Variants in SOCS2 observed in about 807,000 individuals in gnomAD.
SOCS2 encodes suppressor of cytokine signaling 2.
In SOCS2, 10 loss-of-function variants were observed where a neutral mutation model predicts 18.6. That is an observed-to-expected ratio of 0.54 (90% CI 0.33 to 0.91). The LOEUF is 0.91. Among genes scored for constraint, SOCS2 ranks in the 40% least tolerant of loss-of-function variants. SOCS2 has a pLI of 0.02. For missense variants in SOCS2, 231 were observed against 247.2 expected (o/e 0.93, Z 0.44); for synonymous variants, 104 against 104.0 (o/e 1.00, Z 0.00).
the SOCS2 span, among the ~76,000 whole-genome samples, chr12:93,612,448 C>T: frequency 6.6e-6 from 1 of 152,212 alleles, no homozygotes; most frequent in African/African-American, 2.4e-5. Context: ...ATTTACAACT[C>T]CTTGTGAGGC....
At chr12:93,573,181 G>C in intron 1 of SOCS2, 145 bp downstream of exon 1, 5 of 1,052,274 alleles carry the variant, frequency 4.8e-6, no homozygotes, top group Non-Finnish European at 6.8e-6. Flanking sequence ...ACGCTCGCAG[G>C]GTCCTGGGTC....
chr12:93,624,532 A>G, the SOCS2 span, among the ~76,000 whole-genome samples: 1 of 151,860 alleles, frequency 6.6e-6, no homozygotes, highest in African/African-American at 2.4e-5. Context: ...AGATTGCACC[A>G]CTGCACTCAG....
At chr12:93,582,736 T>C (rs1294863461) in intron 1 of SOCS2, among the ~76,000 whole-genome samples, 1 of 152,156 alleles carries the variant, frequency 6.6e-6, no homozygotes, top group Admixed American at 6.5e-5. Context: ...CCACTCTGGT[T>C]CTCTGACCTT....
At chr12:93,597,989 C>T in the SOCS2 span, among the ~76,000 whole-genome samples, 2 of 152,126 alleles carry the variant, frequency 1.3e-5, no homozygotes, top group Admixed American at 1.3e-4. Flanking sequence ...TGCTAGACCT[C>T]AGGAATATGG....
At chr12:93,625,575 C>T in the SOCS2 span, among the ~76,000 whole-genome samples, 1 of 151,914 alleles carries the variant, frequency 6.6e-6, no homozygotes, top group African/African-American at 2.4e-5. Context: ...TGGTGAAACC[C>T]AGTCTCTACT....
chr12:93,614,579 CTT>C, the SOCS2 span, among the ~76,000 whole-genome samples: 1 of 86,838 alleles, frequency 1.2e-5, no homozygotes, highest in Non-Finnish European at 2.1e-5. Flanking sequence ...TTCTTTCTTT[CTT>C]TCTTTCTTTC....
the SOCS2 span, among the ~76,000 whole-genome samples, chr12:93,607,224 A>C: frequency 6.6e-6 from 1 of 152,360 alleles, no homozygotes; most frequent in East Asian, 1.9e-4. Context: ...TATTAATAAA[A>C]GATGGCAGAT....
At chr12:93,626,223 G>A in the SOCS2 span, among the ~76,000 whole-genome samples, 1 of 152,108 alleles carries the variant, frequency 6.6e-6, no homozygotes, top group Non-Finnish European at 1.5e-5. Context: ...TTAAGGTAAT[G>A]TCTGGTCTCT....
chr12:93,604,680 G>A, the SOCS2 span, among the ~76,000 whole-genome samples: 1 of 151,938 alleles, frequency 6.6e-6, no homozygotes, highest in Non-Finnish European at 1.5e-5. Flanking sequence ...GTTTTTTTGA[G>A]ACAGGGTTTC....
intron 1 of SOCS2, among the ~76,000 whole-genome samples, chr12:93,581,924 A>G (rs972365558): frequency 2.0e-5 from 3 of 152,208 alleles, no homozygotes; most frequent in African/African-American, 4.8e-5. Flanking sequence ...ACCCTCATTT[A>G]TTCCAAATGA....
At chr12:93,603,451 G>A in the SOCS2 span, among the ~76,000 whole-genome samples, 164 of 146,266 alleles carry the variant, frequency 1.1e-3, 2 homozygotes, top group Admixed American at 1.8e-3. Flanking sequence ...ACAGCCTAAG[G>A]CTACAGCCTA....
chr12:93,571,368 T>C (rs1203862142), upstream of SOCS2: 6 of 152,240 alleles, frequency 3.9e-5, no homozygotes, highest in African/African-American at 1.4e-4. Context: ...ACCGCGGCTC[T>C]GCCCCGCGGC....
At chr12:93,612,554 G>T in the SOCS2 span, among the ~76,000 whole-genome samples, 2 of 152,074 alleles carry the variant, frequency 1.3e-5, no homozygotes, top group African/African-American at 2.4e-5. Flanking sequence ...AATCCTAAGT[G>T]TACTCCCTAA....
At chr12:93,602,195 C>T in the SOCS2 span, among the ~76,000 whole-genome samples, 1 of 152,290 alleles carries the variant, frequency 6.6e-6, no homozygotes, top group African/African-American at 2.4e-5. Flanking sequence ...AGGGCTCAAG[C>T]AATCCTTCTG....
At chr12:93,608,338 AAT>A in the SOCS2 span, among the ~76,000 whole-genome samples, 2 of 152,114 alleles carry the variant, frequency 1.3e-5, no homozygotes, top group Non-Finnish European at 2.9e-5. Flanking sequence ...CTTGGCTAAA[AAT>A]ACAGAAGGAT....
At chr12:93,591,931 C>A in the SOCS2 span, among the ~76,000 whole-genome samples, 1 of 152,100 alleles carries the variant, frequency 6.6e-6, no homozygotes, top group Admixed American at 6.5e-5. Context: ...ATAGATTGTC[C>A]CAGATAAGAG....
At chr12:93,578,470 G>A (rs1267997328), downstream of SOCS2, among the ~76,000 whole-genome samples, 2 of 152,156 alleles carry the variant, frequency 1.3e-5, no homozygotes, top group Admixed American at 1.3e-4. Flanking sequence ...CAGCTGGGCT[G>A]AAGTCTCCGT....
At chr12:93,613,538 GA>G in the SOCS2 span, among the ~76,000 whole-genome samples, 2 of 152,178 alleles carry the variant, frequency 1.3e-5, no homozygotes, top group African/African-American at 4.8e-5. Flanking sequence ...TTCTTTATCT[GA>G]AGGTGGGCAT....
At chr12:93,604,276 G>A in the SOCS2 span, among the ~76,000 whole-genome samples, 424 of 152,176 alleles carry the variant, frequency 2.8e-3, 3 homozygotes, top group East Asian at 0.01. Context: ...AAAAGCAGAC[G>A]ACATTCTTAC....
Sources: gnomAD v4.1 joint callset for allele counts (sites outside exome capture counted in the v4.1 genomes callset) on GRCh38, gnomAD v4.1.1 for gene constraint, MANE v1.5 for transcripts, NCBI Gene and HGNC (gene_info 2026-07-23, HGNC 2026-07-21) for gene names.